GUCY1A2: variants seen among roughly 807,000 people sequenced by gnomAD.
The protein encoded by GUCY1A2 is guanylate cyclase soluble subunit alpha-2.
In GUCY1A2, 27 loss-of-function variants were observed where a neutral mutation model predicts 63.5. The observed-to-expected ratio is 0.43, with a 90% CI of 0.31 to 0.59. The LOEUF is 0.59. Among genes scored for constraint, GUCY1A2 ranks in the 20% least tolerant of loss-of-function variants. The pLI, the probability that GUCY1A2 is intolerant of heterozygous loss-of-function variation, is 0.11. For missense variants in GUCY1A2, 768 were observed against 913.3 expected (o/e 0.84, Z 2.05); for synonymous variants, 364 against 343.5 (o/e 1.06, Z -0.66).
chr11:106,860,006 G>A (rs1036719699), intron 4 of GUCY1A2, among the ~76,000 whole-genome samples: 3 of 151,780 alleles, frequency 2.0e-5, no homozygotes, highest in Non-Finnish European at 2.9e-5. Flanking sequence ...AGCACTAATG[G>A]GAGGAGTTTC....
intron 1 of GUCY1A2, among the ~76,000 whole-genome samples, chr11:106,999,573 T>G (rs1412700748): frequency 6.6e-6 from 1 of 152,244 alleles, no homozygotes; most frequent in Admixed American, 6.5e-5. Flanking sequence ...ATGTGTTGGT[T>G]TGATCTTATT....
At chr11:106,988,869 T>C (rs916023439) in intron 1 of GUCY1A2, among the ~76,000 whole-genome samples, 17 of 152,196 alleles carry the variant, frequency 1.1e-4, no homozygotes, top group African/African-American at 4.1e-4. Flanking sequence ...CCTCAACCCA[T>C]GGCCTGATCA....
intron 4 of GUCY1A2, among the ~76,000 whole-genome samples, chr11:106,825,725 C>T (rs1240965067): frequency 6.6e-6 from 1 of 151,948 alleles, no homozygotes; most frequent in African/African-American, 2.4e-5. Context: ...TTGGGCCGCA[C>T]ATAAAACATG....
At chr11:106,794,360 G>A (rs1441404274) in intron 5 of GUCY1A2, among the ~76,000 whole-genome samples, 1 of 152,068 alleles carries the variant, frequency 6.6e-6, no homozygotes, top group Non-Finnish European at 1.5e-5. Context: ...GAAATGGGAA[G>A]ATGTTAGTCA....
At chr11:107,005,635 T>C (rs1861661543) in intron 1 of GUCY1A2, among the ~76,000 whole-genome samples, 1 of 152,190 alleles carries the variant, frequency 6.6e-6, no homozygotes, top group South Asian at 2.1e-4. Flanking sequence ...GTGTTTAAAG[T>C]ATATGGAATA....
intron 5 of GUCY1A2, among the ~76,000 whole-genome samples, chr11:106,793,075 G>C (rs1864691465): frequency 6.6e-6 from 1 of 152,166 alleles, no homozygotes; most frequent in Non-Finnish European, 1.5e-5. Flanking sequence ...ATAATCTTGA[G>C]AATGAAGAAC....
At chr11:106,771,973 T>C (rs1864265340) in intron 6 of GUCY1A2, among the ~76,000 whole-genome samples, 1 of 152,182 alleles carries the variant, frequency 6.6e-6, no homozygotes, top group African/African-American at 2.4e-5. Flanking sequence ...ATGAATGCTT[T>C]ATAGATATAG....
At chr11:106,701,913 C>A (rs915151490) in intron 7 of GUCY1A2, among the ~76,000 whole-genome samples, 1 of 152,072 alleles carries the variant, frequency 6.6e-6, no homozygotes, top group Non-Finnish European at 1.5e-5. Flanking sequence ...TATAATGTGT[C>A]AGCTAAAAAA....
intron 5 of GUCY1A2, among the ~76,000 whole-genome samples, chr11:106,799,425 G>C (rs1393984640): frequency 6.6e-6 from 1 of 152,120 alleles, no homozygotes; most frequent in Admixed American, 6.6e-5. Context: ...CCAAAAGAGA[G>C]CCCTCATAGC....
chr11:106,752,651 G>A (rs772583631), intron 6 of GUCY1A2, among the ~76,000 whole-genome samples: 24 of 152,056 alleles, frequency 1.6e-4, no homozygotes, highest in Non-Finnish European at 2.4e-4. Context: ...GAGAATGATG[G>A]TTTCCAGCTT....
intron 4 of GUCY1A2, among the ~76,000 whole-genome samples, chr11:106,815,878 A>G (rs1858824275): frequency 1.3e-5 from 2 of 151,924 alleles, no homozygotes; most frequent in African/African-American, 4.8e-5. Context: ...AAGAAACCTC[A>G]AGACCTGCCA....
At chr11:106,799,281 T>C (rs1027912490) in intron 5 of GUCY1A2, among the ~76,000 whole-genome samples, 1 of 152,200 alleles carries the variant, frequency 6.6e-6, no homozygotes, top group African/African-American at 2.4e-5. Context: ...TCCATGCTCA[T>C]GGGTAGGACG....
chr11:106,857,004 AC>A (rs1396341837), intron 4 of GUCY1A2, among the ~76,000 whole-genome samples: 1 of 152,208 alleles, frequency 6.6e-6, no homozygotes, highest in Non-Finnish European at 1.5e-5. Flanking sequence ...ACTATATCCT[AC>A]CTACAGAATT....
intron 4 of GUCY1A2, among the ~76,000 whole-genome samples, chr11:106,867,504 T>C (rs1391866187): frequency 2.0e-5 from 3 of 152,086 alleles, no homozygotes; most frequent in Non-Finnish European, 4.4e-5. Flanking sequence ...GAGAATCCTC[T>C]AGAATTAAAA....
chr11:106,777,921 T>G (rs1864388048), intron 5 of GUCY1A2, among the ~76,000 whole-genome samples: 1 of 152,160 alleles, frequency 6.6e-6, no homozygotes, highest in Non-Finnish European at 1.5e-5. Flanking sequence ...AATTGAGAGT[T>G]AACAGCTACC....
Position 106,810,284 on chromosome 11 carries a change from T to G in GUCY1A2, c.1401A>C (p.Lys467Asn). Residue 467 changes from lysine (K) to asparagine (N), a missense_variant, in exon 5 of 8, where the codon AAA becomes AAC. Lys to Asn is a moderately conservative substitution (Grantham distance 94, BLOSUM62 0). Coordinates refer to ENST00000526355, the MANE Select transcript of GUCY1A2 (RefSeq NM_000855.3). ...AAGTTGCCTTTAATTTATCCATCCTTTTCTTCAACCCATCTTGGGCCTTTG... is the reference window on the plus strand; with the variant it reads ...AAGTTGCCTTTAATTTATCCATCCTGTTCTTCAACCCATCTTGGGCCTTTG... ...EQAKAQDGLKKRMDKLKATLE... is the reference protein window; with the variant it reads ...EQAKAQDGLKNRMDKLKATLE... 1 of 1,613,946 alleles carries G rather than the reference T, an allele frequency of 6.2e-7. No homozygotes were observed.
At chr11:106,945,922 A>G (rs887267766) in intron 3 of GUCY1A2, among the ~76,000 whole-genome samples, 2 of 152,164 alleles carry the variant, frequency 1.3e-5, no homozygotes, top group Non-Finnish European at 2.9e-5. Context: ...CTGAGATCAC[A>G]CCACTGCACT....
intron 4 of GUCY1A2, among the ~76,000 whole-genome samples, chr11:106,884,769 C>T (rs1859876033): frequency 6.6e-6 from 1 of 151,948 alleles, no homozygotes; most frequent in Admixed American, 6.6e-5. Context: ...TAATTTTTAA[C>T]CCATTTAAAA....
chr11:106,966,710 C>CT (rs1317218451), intron 3 of GUCY1A2, among the ~76,000 whole-genome samples: 1 of 152,072 alleles, frequency 6.6e-6, no homozygotes, highest in African/African-American at 2.4e-5. Context: ...AGCTGAAACC[C>CT]TAGTGATCAT....
Sources: allele counts gnomAD v4.1 joint callset (sites outside exome capture counted in the v4.1 genomes callset), GRCh38; gene constraint gnomAD v4.1.1; transcripts MANE v1.5; gene names NCBI Gene and HGNC (gene_info 2026-07-23, HGNC 2026-07-21).